DACH1: variants seen among roughly 807,000 people sequenced by gnomAD.
DACH1 encodes the protein dachshund homolog 1.
Under a neutral mutation model 54.2 loss-of-function variants are expected in DACH1, and 12 were observed. The observed-to-expected ratio is 0.22, with a 90% confidence interval of 0.14 to 0.36. The LOEUF is 0.36. Ranked by LOEUF, DACH1 falls within the 10% of genes least tolerant of loss-of-function variation. DACH1 has a pLI of 1.00. For synonymous variants in DACH1, 386 were observed against 366.2 expected (o/e 1.05, Z -0.62); for missense variants, 805 against 929.8 (o/e 0.87, Z 1.75).
chr13:71,714,940 T>C (rs1594129047), intron 1 of DACH1, among the ~76,000 whole-genome samples: 1 of 152,072 alleles, frequency 6.6e-6, no homozygotes, highest in Admixed American at 6.6e-5. Context: ...GAACAAGGAG[T>C]TAAGGTTGTG....
intron 2 of DACH1, among the ~76,000 whole-genome samples, chr13:71,649,518 C>A (rs1434782273): frequency 6.6e-6 from 1 of 152,086 alleles, no homozygotes; most frequent in Non-Finnish European, 1.5e-5. Flanking sequence ...TAATGAACTT[C>A]AACTGTGTAA....
intron 10 of DACH1, among the ~76,000 whole-genome samples, chr13:71,459,320 G>A (rs898546231): frequency 6.6e-6 from 1 of 151,846 alleles, no homozygotes; most frequent in Non-Finnish European, 1.5e-5. Context: ...TAGCAGTCTG[G>A]AAGCCATACT....
chr13:71,596,805 C>T (rs1375616508), intron 3 of DACH1, among the ~76,000 whole-genome samples: 1 of 152,072 alleles, frequency 6.6e-6, no homozygotes, highest in African/African-American at 2.4e-5. Context: ...GGCAGACAAA[C>T]AGCAATTTGA....
intron 10 of DACH1, among the ~76,000 whole-genome samples, chr13:71,454,295 G>A (rs1593717910): frequency 1.3e-5 from 2 of 152,246 alleles, no homozygotes; most frequent in East Asian, 3.9e-4. Flanking sequence ...TTCTCACTAG[G>A]GAACTGGACA....
At chr13:71,761,642 G>A (rs1397503940) in intron 1 of DACH1, among the ~76,000 whole-genome samples, 2 of 152,100 alleles carry the variant, frequency 1.3e-5, no homozygotes, top group African/African-American at 4.8e-5. Flanking sequence ...GGCAGGCAGG[G>A]AAGCTTGTTA....
At chr13:71,864,171 G>GCACATACA (rs1433924377) in intron 1 of DACH1, among the ~76,000 whole-genome samples, 6 of 115,580 alleles carry the variant, frequency 5.2e-5, no homozygotes, top group Admixed American at 4.8e-4. Context: ...TTGAGCGCGC[G>GCACATACA]CGCGCACATA....
chr13:71,602,244 T>A (rs61957844), intron 3 of DACH1, among the ~76,000 whole-genome samples: 209 of 152,180 alleles, frequency 1.4e-3, no homozygotes, highest in Middle Eastern at 3.4e-3. Flanking sequence ...CATGCACAGT[T>A]CTTAAAGTGT....
rs1874862657 is a variant in DACH1 at position 71,866,876 on chromosome 13, A to G, written c.-107T>C. 1 of 839,936 alleles carries G rather than the reference A, an allele frequency of 1.2e-6. No homozygotes were observed. Among genetic ancestry groups the G allele is most frequent in the Non-Finnish European group, 1.6e-6 (1 of 628,796 alleles). 52.0% of individuals were successfully genotyped at this position (839,936 alleles called of 1,614,324 possible). ...GGGGGGAGAAGGAGCGAGGGGGGCA[A>G]CAACAACTCCGGGAGAGAACGAGAA... On this transcript the variant is annotated 5_prime_UTR_variant, in exon 1 of 11. Coordinates refer to ENST00000613252, the MANE Select transcript of DACH1 (RefSeq NM_080759.6).
chr13:71,546,865 T>C (rs1883497772), intron 6 of DACH1, among the ~76,000 whole-genome samples: 1 of 152,094 alleles, frequency 6.6e-6, no homozygotes, highest in South Asian at 2.1e-4. Context: ...TACAACTTTG[T>C]ATATATCATT....
chr13:71,623,152 T>C lies in DACH1; in HGVS notation c.1126+7404A>G, dbSNP rs887396660. On this transcript the variant is annotated intron_variant, in intron 3 of 10. Coordinates refer to ENST00000613252, the MANE Select transcript of DACH1 (RefSeq NM_080759.6). ...TATTTCAAAGTGAAAAATGATTTTT[T>C]TAATATAGAAATGTATTTTTCCACA... Among the ~76,000 whole-genome samples the C allele has an allele frequency of 2.6e-5, 4 of 151,730 alleles. No individual in the cohort carries two copies. The East Asian group carries it at 5.8e-4, about 22-fold the overall frequency.
At chr13:71,847,781 A>G (rs1873378966) in intron 1 of DACH1, among the ~76,000 whole-genome samples, 1 of 152,214 alleles carries the variant, frequency 6.6e-6, no homozygotes, top group Non-Finnish European at 1.5e-5. Flanking sequence ...AGGGAGAAAC[A>G]AGGTGTATTA....
intron 1 of DACH1, among the ~76,000 whole-genome samples, chr13:71,738,966 T>C (rs1004218099): frequency 1.2e-4 from 18 of 151,216 alleles, no homozygotes; most frequent in African/African-American, 3.9e-4. Context: ...TTATGAGAAA[T>C]TGGCAGCCAG....
At chr13:71,843,976 A>T (rs1227995537) in intron 1 of DACH1, among the ~76,000 whole-genome samples, 1 of 152,208 alleles carries the variant, frequency 6.6e-6, no homozygotes, top group African/African-American at 2.4e-5. Context: ...GCGAAGAATC[A>T]AACTGCATAG....
rs201634316 is a variant in DACH1, at chr13:71,489,116, C to T, written c.1603G>A (p.Asp535Asn). 6.2e-7 allele frequency: 1 copy of T among 1,613,480 alleles called. No individual in the cohort carries two copies. The highest frequency in any genetic ancestry group is 2.2e-5 in the East Asian group (1 of 44,870). The change falls in exon 7 of 11, where the codon GAC (aspartate) becomes AAC (asparagine). Residue 535 changes from aspartate to asparagine, a missense_variant. By Grantham distance (23) the Asp-to-Asn change is conservative. Transcript: ENST00000613252. The part of the protein sequence containing the change: ...ETPLSTPTAR[D>N]SLDKLSLTGH... ...GTTAGAGAGAGTTTGTCAAGGCTGT[C>T]TCTTGCGGTTGGTGTAGAAAGCGGG...
chr13:71,681,823 G>C lies in DACH1; in HGVS notation c.936C>G (p.Leu312=). The C allele has an allele frequency of 6.2e-7, 1 of 1,613,920 alleles. No homozygotes were observed. Among genetic ancestry groups the C allele is most frequent in the African/African-American group, 1.3e-5 (1 of 75,048 alleles). Residue 312 remains leucine, a synonymous_variant, in exon 2 of 11, where the codon CTC becomes CTG. Transcript: ENST00000613252. ...TTGGTGGAATTATCCCAGGAGACAT[G>C]AGACCAGGGACAGAATGCGGCATGA... is the stretch of plus-strand genomic sequence containing the variant. ...SHIMPHSVPG[L]MSPGIIPPTG... is the part of the protein sequence containing the mutation.
intron 7 of DACH1, among the ~76,000 whole-genome samples, chr13:71,482,468 A>G (rs187705833): frequency 6.6e-6 from 1 of 152,348 alleles, no homozygotes; most frequent in East Asian, 1.9e-4. Context: ...AACTCATGTG[A>G]TAAAATTTGT....
intron 1 of DACH1, among the ~76,000 whole-genome samples, chr13:71,748,642 G>T (rs529814523): frequency 6.6e-6 from 1 of 152,238 alleles, no homozygotes; most frequent in African/African-American, 2.4e-5. Flanking sequence ...GCCTTGAGGT[G>T]TCTGCCCTGT....
chr13:71,475,988 A>G, intron 8 of DACH1, 139 bp from the exon 9 acceptor site: 1 of 582,448 alleles, frequency 1.7e-6, no homozygotes. Flanking sequence ...AGAAAGTTCC[A>G]AAAATCTCCA....
chr13:71,644,574 T>C (rs565694726), intron 2 of DACH1, among the ~76,000 whole-genome samples: 24 of 152,148 alleles, frequency 1.6e-4, no homozygotes, highest in Non-Finnish European at 3.1e-4. Flanking sequence ...CCTCAGATCT[T>C]CCGCAAGAAA....
Sources: gnomAD v4.1 joint callset for allele counts (sites outside exome capture counted in the v4.1 genomes callset) on GRCh38, gnomAD v4.1.1 for gene constraint, MANE v1.5 for transcripts, NCBI Gene and HGNC (gene_info 2026-07-23, HGNC 2026-07-21) for gene names.